Variants in SRBD1 observed in about 807,000 individuals in gnomAD.
SRBD1 encodes the protein S1 RNA binding domain 1.
Under a neutral mutation model 115.3 loss-of-function variants are expected in SRBD1, and 88 were observed. That is an observed-to-expected ratio of 0.76 (90% CI 0.64 to 0.91). The LOEUF is 0.91. SRBD1 is among the 40% of genes least tolerant of loss of function. The pLI is 0.00. For synonymous variants in SRBD1, 509 were observed against 407.7 expected (o/e 1.25, Z -2.99); for missense variants, 1,385 against 1,177.4 (o/e 1.18, Z -2.58).
At chr2:45,486,734 A>AAAAATAAAAT (rs1296196487) in intron 15 of SRBD1, among the ~76,000 whole-genome samples, 6 of 151,002 alleles carry the variant, frequency 4.0e-5, no homozygotes, top group African/African-American at 7.3e-5. Flanking sequence ...CCATCTCAAA[A>AAAAATAAAAT]AAAATAAAAT....
chr2:45,470,648 G>A (rs1669620415), intron 16 of SRBD1, among the ~76,000 whole-genome samples: 1 of 152,160 alleles, frequency 6.6e-6, no homozygotes, highest in Non-Finnish European at 1.5e-5. Flanking sequence ...GATATGACAA[G>A]GCCAAGCTAA....
chr2:45,503,970 C>G (rs376161200), intron 14 of SRBD1, among the ~76,000 whole-genome samples: 2 of 152,062 alleles, frequency 1.3e-5, no homozygotes, highest in Admixed American at 1.3e-4. Flanking sequence ...TTATATAACT[C>G]AAGTCAGTCT....
chr2:45,443,903 A>C (rs980400350), intron 16 of SRBD1, among the ~76,000 whole-genome samples: 9 of 151,980 alleles, frequency 5.9e-5, no homozygotes, highest in Non-Finnish European at 1.2e-4. Context: ...TTTTCATCAG[A>C]CCAGGCGCTT....
chr2:45,609,856 G>A (rs528847073), intron 1 of SRBD1, among the ~76,000 whole-genome samples: 1 of 152,256 alleles, frequency 6.6e-6, no homozygotes, highest in East Asian at 1.9e-4. Flanking sequence ...TGCTTGCACT[G>A]CTGTCAAGAG....
At chr2:45,548,019 T>C (rs990552651) in intron 12 of SRBD1, among the ~76,000 whole-genome samples, 5 of 152,038 alleles carry the variant, frequency 3.3e-5, no homozygotes, top group Admixed American at 6.5e-5. Flanking sequence ...TTAAGACTTA[T>C]GAGCTTTTCT....
intron 14 of SRBD1, among the ~76,000 whole-genome samples, chr2:45,545,348 T>C (rs984089966): frequency 9.6e-5 from 14 of 146,456 alleles, no homozygotes; most frequent in Non-Finnish European, 1.8e-4. Context: ...ACCCCACAGT[T>C]CATCCTTTCC....
intron 16 of SRBD1, among the ~76,000 whole-genome samples, chr2:45,464,135 A>G (rs79902036): frequency 4.6e-5 from 7 of 151,544 alleles, no homozygotes; most frequent in Admixed American, 2.6e-4. Context: ...AAAGAAATGG[A>G]GATGTATGCT....
intron 16 of SRBD1, among the ~76,000 whole-genome samples, chr2:45,424,879 A>G (rs1385037530): frequency 6.6e-6 from 1 of 152,216 alleles, no homozygotes; most frequent in East Asian, 1.9e-4. Flanking sequence ...CCTTAAATAG[A>G]GTGAGAGAGA....
chr2:45,429,309 A>G (rs1019480653), intron 16 of SRBD1, among the ~76,000 whole-genome samples: 1 of 152,200 alleles, frequency 6.6e-6, no homozygotes. Flanking sequence ...GGCCAGCATC[A>G]TCCTGATACC....
At chr2:45,508,966 A>G (rs1670878219) in intron 14 of SRBD1, among the ~76,000 whole-genome samples, 3 of 152,126 alleles carry the variant, frequency 2.0e-5, no homozygotes, top group African/African-American at 7.2e-5. Flanking sequence ...AAATGTTTGC[A>G]GGGCACGGTG....
chr2:45,518,132 A>AT (rs1558449143), intron 14 of SRBD1, among the ~76,000 whole-genome samples: 1 of 152,186 alleles, frequency 6.6e-6, no homozygotes, highest in Non-Finnish European at 1.5e-5. Flanking sequence ...AACATCCTAG[A>AT]TTAACTGAAA....
intron 14 of SRBD1, among the ~76,000 whole-genome samples, chr2:45,523,465 A>AAAAG (rs1205631345): frequency 2.0e-5 from 3 of 151,892 alleles, no homozygotes; most frequent in Admixed American, 6.6e-5. Context: ...CTGACCAAGA[A>AAAAG]AAAGAAAGAA....
intron 7 of SRBD1, among the ~76,000 whole-genome samples, chr2:45,575,760 G>C (rs1673155876): frequency 6.6e-6 from 1 of 152,160 alleles, no homozygotes; most frequent in Non-Finnish European, 1.5e-5. Context: ...TTGGAGTGCA[G>C]TGGTGCGATC....
intron 4 of SRBD1, among the ~76,000 whole-genome samples, chr2:45,598,369 C>T (rs1000924110): frequency 4.6e-5 from 7 of 151,860 alleles, no homozygotes; most frequent in African/African-American, 1.7e-4. Flanking sequence ...AATCCCAGCA[C>T]TTTGGGAGGC....
intron 19 of SRBD1, among the ~76,000 whole-genome samples, chr2:45,404,390 G>A (rs1188083058): frequency 6.6e-6 from 1 of 152,028 alleles, no homozygotes; most frequent in African/African-American, 2.4e-5. Flanking sequence ...GATCACTATG[G>A]GAGTAATCAC....
At chr2:45,488,376 C>A (rs141464821) in intron 14 of SRBD1, 45 bp from the exon 15 acceptor site, 1 of 1,551,922 alleles carries the variant, frequency 6.4e-7, no homozygotes, top group Non-Finnish European at 8.8e-7. Context: ...TAACTTCCTG[C>A]CTGGTCAAAG....
At chr2:45,394,864 T>G (rs1667100141) in intron 19 of SRBD1, among the ~76,000 whole-genome samples, 1 of 152,224 alleles carries the variant, frequency 6.6e-6, no homozygotes, top group Non-Finnish European at 1.5e-5. Context: ...GTGTTTGGTC[T>G]CCCTCTTTGA....
chr2:45,494,465 C>T (rs1670394114), intron 14 of SRBD1, among the ~76,000 whole-genome samples: 1 of 151,604 alleles, frequency 6.6e-6, no homozygotes, highest in African/African-American at 2.4e-5. Context: ...TAGAAGATCT[C>T]AAGCAATGAC....
intron 14 of SRBD1, among the ~76,000 whole-genome samples, chr2:45,520,998 C>G (rs1398230078): frequency 1.3e-5 from 2 of 152,178 alleles, no homozygotes; most frequent in Non-Finnish European, 2.9e-5. Flanking sequence ...CTTAAGCCAT[C>G]CATGGACGTC....
Sources: gnomAD v4.1 joint callset for allele counts (sites outside exome capture counted in the v4.1 genomes callset) on GRCh38, gnomAD v4.1.1 for gene constraint, MANE v1.5 for transcripts, NCBI Gene and HGNC (gene_info 2026-07-23, HGNC 2026-07-21) for gene names.